The following SAR1B variants were observed in gnomAD, a reference collection of about 807,000 sequenced individuals.
SAR1B encodes small COPII coat GTPase SAR1B.
SAR1B carries 23 observed loss-of-function variants against 26.8 expected under a neutral mutation model. The ratio of observed to expected loss-of-function variants is 0.86; its 90% confidence interval spans 0.62 to 1.22. The LOEUF (loss-of-function observed/expected upper bound fraction) is 1.22, where lower values mean the gene tolerates loss of function less well. Among genes scored for constraint, SAR1B ranks in the 50% most tolerant of loss-of-function variants. The pLI, the probability that SAR1B is intolerant of heterozygous loss-of-function variation, is 0.00. For synonymous variants in SAR1B, 65 were observed against 80.8 expected (o/e 0.80, Z 1.05); for missense variants, 196 against 232.8 (o/e 0.84, Z 1.03).
chr5:134,613,591 T>C (rs1350416863), intron 3 of SAR1B: 1 of 152,206 alleles, frequency 6.6e-6, no homozygotes, highest in Non-Finnish European at 1.5e-5. Context: ...TTTTTCCTTC[T>C]CTATTCTTCC....
In SAR1B at chr5:134,609,700, G is replaced by A. The variant is rs760126763; in HGVS notation, c.245-26C>T. ...CTAACAAAAACAATCAGGGGTTAGA[G>A]TTTACTTGTTGGTCAAACCCAGCAG... On this transcript the variant is annotated intron_variant, in intron 4 of 6. Transcript: ENST00000402673. 7.6e-6 allele frequency: 12 copies of A among 1,588,502 alleles called. No homozygotes were observed. In the East Asian group the frequency reaches 2.5e-4, roughly 33 times the overall value.
chr5:134,620,194 T>C (rs1354033383), intron 3 of SAR1B, among the ~76,000 whole-genome samples: 3 of 151,548 alleles, frequency 2.0e-5, no homozygotes, highest in Non-Finnish European at 4.4e-5. Flanking sequence ...TAGTCCCAGC[T>C]ACTCGGGAGG....
chr5:134,608,998 G>T (rs988419783), intron 5 of SAR1B: 2 of 434,334 alleles, frequency 4.6e-6, no homozygotes, highest in Non-Finnish European at 9.2e-6. Context: ...ACACGTACAA[G>T]TATTTGTTTG....
intron 3 of SAR1B, among the ~76,000 whole-genome samples, chr5:134,617,719 TCGCCCAGGCTGGAATGCAGTGG>T (rs1015456006): frequency 1.3e-5 from 2 of 152,102 alleles, no homozygotes; most frequent in Non-Finnish European, 2.9e-5. Context: ...TCTCCCTCTG[TCGCCCAGGCTGGAATGCAGTGG>T]CGCCATCTTG....
intron 3 of SAR1B, chr5:134,614,151 AGAAAGAAAG>A (rs1318756167): frequency 6.6e-6 from 1 of 151,868 alleles, no homozygotes; most frequent in Non-Finnish European, 1.5e-5. Flanking sequence ...ATTAAAAAAA[AGAAAGAAAG>A]AAAAAAAAGA....
intron 3 of SAR1B, among the ~76,000 whole-genome samples, chr5:134,616,412 G>A (rs1765318068): frequency 6.6e-6 from 1 of 151,086 alleles, no homozygotes; most frequent in African/African-American, 2.4e-5. Context: ...ACTCCAGCCT[G>A]GGGGACAAGA....
At chr5:134,608,292 T>C in intron 6 of SAR1B, 80 bp downstream of exon 6, 2 of 1,391,320 alleles carry the variant, frequency 1.4e-6, no homozygotes, top group South Asian at 1.3e-5. Context: ...TGGGCTTGTA[T>C]AGTTGGACAA....
intron 1 of SAR1B, among the ~76,000 whole-genome samples, chr5:134,628,138 C>T (rs1029537468): frequency 4.6e-5 from 7 of 150,638 alleles, no homozygotes; most frequent in East Asian, 1.9e-4. Flanking sequence ...AGCAAGACTC[C>T]GTCTCAAAAA....
intron 1 of SAR1B, chr5:134,631,645 C>A (rs1322882062): frequency 6.6e-6 from 1 of 152,230 alleles, no homozygotes; most frequent in East Asian, 1.9e-4. Context: ...AGGACTTCTT[C>A]ACCTCATTTT....
In SAR1B at chr5:134,603,594, T is replaced by C. The variant is rs972131248; in HGVS notation, c.*3356A>G. 2 of 151,562 alleles carry C rather than the reference T, an allele frequency of 1.3e-5. No individual in the cohort carries two copies. The highest frequency in any genetic ancestry group is 1.3e-4 in the Admixed American group (2 of 15,214). The allele number at this position is 151,562 out of a possible 1,614,324, so 9.4% of individuals were successfully genotyped here. On this transcript the variant is annotated 3_prime_UTR_variant, in exon 7 of 7. Coordinates refer to ENST00000402673, the MANE Select transcript of SAR1B (RefSeq NM_016103.4). ...GGTGGGCAGATCACGAGGTCAGGAG[T>C]TCGAGACCAGCCTGGCCAACATAGT...
intron 3 of SAR1B, chr5:134,614,938 T>C (rs1199368575): frequency 6.6e-6 from 1 of 152,200 alleles, no homozygotes; most frequent in Non-Finnish European, 1.5e-5. Context: ...TCTAGTTGTG[T>C]ACAGTGGGAG....
rs1285497779 is a variant in SAR1B at position 134,626,069 on chromosome 5, C to T, written c.-18-2032G>A. Among the ~76,000 whole-genome samples the T allele has an allele frequency of 2.6e-5, 4 of 151,864 alleles. No homozygotes were observed. In the East Asian group the frequency reaches 5.8e-4, roughly 22 times the overall value. On this transcript the variant is annotated intron_variant, in intron 1 of 6. Coordinates refer to ENST00000402673, the MANE Select transcript of SAR1B (RefSeq NM_016103.4). Reference sequence around the variant, plus strand: ...ATCCCAGGACTTTGGGAGGCTGAGGCGGGTGGATCACCTGAGGTCAGGAGT... The same window carrying T: ...ATCCCAGGACTTTGGGAGGCTGAGGTGGGTGGATCACCTGAGGTCAGGAGT...
chr5:134,630,896 T>TTTTTTC (rs1561791185), intron 1 of SAR1B, among the ~76,000 whole-genome samples: 1 of 138,746 alleles, frequency 7.2e-6, no homozygotes, highest in African/African-American at 2.6e-5. Context: ...TTTCTTTTTT[T>TTTTTTC]TTTTTTTTTT....
chr5:134,609,773 T>A, intron 4 of SAR1B, 99 bp from the exon 5 acceptor site: 1 of 839,670 alleles, frequency 1.2e-6, no homozygotes, highest in Non-Finnish European at 2.0e-6. Flanking sequence ...GGTAATCCCT[T>A]AGCTGCTGGT....
intron 1 of SAR1B, among the ~76,000 whole-genome samples, chr5:134,628,967 A>T (rs1362551331): frequency 2.0e-5 from 3 of 152,006 alleles, no homozygotes; most frequent in Non-Finnish European, 2.9e-5. Flanking sequence ...AAAATTTTTT[A>T]AATTACCTGG....
chr5:134,618,141 C>A (rs1024842633), intron 3 of SAR1B: 1 of 152,052 alleles, frequency 6.6e-6, no homozygotes, highest in Non-Finnish European at 1.5e-5. Context: ...CACAGTGAAA[C>A]CCTGTCTCTA....
intron 3 of SAR1B, among the ~76,000 whole-genome samples, chr5:134,615,162 C>T (rs564758455): frequency 1.1e-3 from 167 of 151,848 alleles, no homozygotes; most frequent in African/African-American, 3.8e-3. Context: ...TCCTGGCTAA[C>T]GAGGTGAAAC....
At position 134,612,684 on chromosome 5, in the gene SAR1B, ATCTT is replaced by A; in HGVS notation, c.244+3_244+6del. The A allele has an allele frequency of 5.9e-6, 6 of 1,017,728 alleles. No individual in the cohort carries two copies. The highest frequency in any genetic ancestry group is 8.4e-6 in the Non-Finnish European group (6 of 711,286). 63.0% of individuals were successfully genotyped at this position (1,017,728 alleles called of 1,614,324 possible). On this transcript the variant is annotated splice_donor_5th_base_variant and intron_variant, in intron 4 of 6. Transcript: ENST00000402673. ...AAAAAAAAAAAAAAAAAAAAAAAGA[ATCTT>A]ACCTTGAACATGTCCACCCAGATCA...
intron 1 of SAR1B, among the ~76,000 whole-genome samples, chr5:134,632,405 C>G: frequency 6.6e-6 from 1 of 152,032 alleles, no homozygotes; most frequent in East Asian, 1.9e-4. Context: ...TCAGTGAGAC[C>G]CGCCACCTTC....
Sources: gnomAD v4.1 joint callset for allele counts (sites outside exome capture counted in the v4.1 genomes callset) on GRCh38, gnomAD v4.1.1 for gene constraint, MANE v1.5 for transcripts, NCBI Gene and HGNC (gene_info 2026-07-23, HGNC 2026-07-21) for gene names.